The following NCK2 variants were observed in gnomAD, a reference collection of about 807,000 sequenced individuals.
NCK2 encodes the protein cytoplasmic protein NCK2.
NCK2 carries 16 observed loss-of-function variants against 33.9 expected under a neutral mutation model. That is an observed-to-expected ratio of 0.47 (90% CI 0.32 to 0.72). The LOEUF is 0.72. Among genes scored for constraint, NCK2 ranks in the 30% least tolerant of loss-of-function variants. NCK2 has a pLI of 0.03. For synonymous variants in NCK2, 273 were observed against 239.9 expected (o/e 1.14, Z -1.27); for missense variants, 418 against 537.3 (o/e 0.78, Z 2.19).
chr2:105,884,516 T>C (rs1224519488), intron 4 of NCK2, among the ~76,000 whole-genome samples: 1 of 152,250 alleles, frequency 6.6e-6, no homozygotes, highest in Non-Finnish European at 1.5e-5. Context: ...GCCTGGCTTC[T>C]GGATAAGCAC....
chr2:105,820,578 G>A (rs541525296), intron 2 of NCK2, among the ~76,000 whole-genome samples: 1 of 152,316 alleles, frequency 6.6e-6, no homozygotes, highest in African/African-American at 2.4e-5. Flanking sequence ...CTCTGACCCT[G>A]CCTTCTTTGG....
At chr2:105,773,368 C>T (rs1015611385) in intron 1 of NCK2, among the ~76,000 whole-genome samples, 1 of 152,094 alleles carries the variant, frequency 6.6e-6, no homozygotes, top group Admixed American at 6.5e-5. Context: ...GTCTGGTACA[C>T]GTGCCGGCCT....
At chr2:105,835,408 T>TATGTATATATATGTATATATATATAC (rs1553458610) in intron 2 of NCK2, among the ~76,000 whole-genome samples, 5 of 41,268 alleles carry the variant, frequency 1.2e-4, no homozygotes, top group Non-Finnish European at 3.4e-4. Context: ...TATATATACG[T>TATGTATATATATGTATATATATATAC]GTATATATAT....
chr2:105,831,390 C>G (rs1677905124), intron 2 of NCK2, among the ~76,000 whole-genome samples: 2 of 150,232 alleles, frequency 1.3e-5, no homozygotes, highest in African/African-American at 4.9e-5. Context: ...CGCTACAAAG[C>G]TACCAAATAA....
chr2:105,834,976 C>A (rs991333209), intron 2 of NCK2, among the ~76,000 whole-genome samples: 2 of 152,104 alleles, frequency 1.3e-5, no homozygotes, highest in African/African-American at 4.8e-5. Flanking sequence ...CTATGCCTAG[C>A]CCTACATTCA....
intron 3 of NCK2, among the ~76,000 whole-genome samples, chr2:105,866,128 G>A (rs960834403): frequency 3.3e-5 from 5 of 152,124 alleles, no homozygotes; most frequent in African/African-American, 1.2e-4. Flanking sequence ...TGGCCAGGCT[G>A]GTCTCGAACT....
chr2:105,857,265 G>C (rs989929967), intron 3 of NCK2: 2 of 152,186 alleles, frequency 1.3e-5, no homozygotes, highest in Non-Finnish European at 2.9e-5. Context: ...AGCTGTGATC[G>C]GTTCAGCCAA....
chr2:105,807,727 TTCTTTCC>T (rs1366990811), intron 1 of NCK2, among the ~76,000 whole-genome samples: 5 of 122,822 alleles, frequency 4.1e-5, no homozygotes, highest in African/African-American at 1.1e-4. Context: ...CCTTCCTTCC[TTCTTTCC>T]TTCCTTCCTT....
At chr2:105,800,540 A>G (rs1428309142) in intron 1 of NCK2, among the ~76,000 whole-genome samples, 2 of 152,192 alleles carry the variant, frequency 1.3e-5, no homozygotes, top group African/African-American at 2.4e-5. Context: ...TAAGAGTGGC[A>G]TATGTGTGTG....
intron 1 of NCK2, among the ~76,000 whole-genome samples, chr2:105,793,411 C>T (rs536256969): frequency 4.6e-5 from 7 of 151,336 alleles, no homozygotes; most frequent in Non-Finnish European, 8.8e-5. Context: ...TCTTGGATCC[C>T]ACTGGTTTCA....
intron 1 of NCK2, among the ~76,000 whole-genome samples, chr2:105,760,011 G>GGACTCCACTGTCAAGT (rs577308278): frequency 6.6e-6 from 1 of 152,004 alleles, no homozygotes; most frequent in Non-Finnish European, 1.5e-5. Flanking sequence ...GTTTGTCAGG[G>GGACTCCACTGTCAAGT]GACTCCACTG....
At chr2:105,778,409 G>A (rs1690380643) in intron 1 of NCK2, among the ~76,000 whole-genome samples, 1 of 152,206 alleles carries the variant, frequency 6.6e-6, no homozygotes, top group African/African-American at 2.4e-5. Context: ...CACATCTGCT[G>A]ACCATCCTCT....
intron 3 of NCK2, among the ~76,000 whole-genome samples, chr2:105,859,988 C>G (rs1677448620): frequency 6.6e-6 from 1 of 152,050 alleles, no homozygotes; most frequent in Admixed American, 6.5e-5. Context: ...AATGTCAGTT[C>G]AAAACAACAA....
chr2:105,837,257 G>A (rs1316033150), intron 2 of NCK2, among the ~76,000 whole-genome samples: 6 of 152,150 alleles, frequency 3.9e-5, no homozygotes, highest in Non-Finnish European at 5.9e-5. Context: ...TCTTAATGAC[G>A]TCAAGCTCCT....
At chr2:105,766,490 T>G (rs1273917435) in intron 1 of NCK2, among the ~76,000 whole-genome samples, 3 of 152,052 alleles carry the variant, frequency 2.0e-5, no homozygotes, top group Admixed American at 2.0e-4. Flanking sequence ...CCAGTGAAGT[T>G]TTTAATTTTT....
chr2:105,812,919 G>A (rs1425419349), intron 1 of NCK2, among the ~76,000 whole-genome samples: 1 of 151,508 alleles, frequency 6.6e-6, no homozygotes, highest in Non-Finnish European at 1.5e-5. Context: ...GATGTAGCCT[G>A]ACATGGTTCC....
At chr2:105,860,770 G>A (rs999298618) in intron 3 of NCK2, among the ~76,000 whole-genome samples, 1 of 151,500 alleles carries the variant, frequency 6.6e-6, no homozygotes, top group African/African-American at 2.4e-5. Context: ...TAATGGAGAT[G>A]GAGGAGTGTA....
At chr2:105,854,751 C>G in intron 2 of NCK2, 1 of 274,160 alleles carries the variant, frequency 3.6e-6, no homozygotes, top group Non-Finnish European at 7.2e-6. Context: ...GAAATGGACT[C>G]ATTTAATTAT....
intron 1 of NCK2, among the ~76,000 whole-genome samples, chr2:105,812,662 TAAAAGG>T (rs1179969107): frequency 1.3e-5 from 2 of 152,146 alleles, no homozygotes; most frequent in African/African-American, 4.8e-5. Context: ...TCTTTTTAAA[TAAAAGG>T]AAAAGGACAA....
Sources: allele counts gnomAD v4.1 joint callset (sites outside exome capture counted in the v4.1 genomes callset), GRCh38; gene constraint gnomAD v4.1.1; transcripts MANE v1.5; gene names NCBI Gene and HGNC (gene_info 2026-07-23, HGNC 2026-07-21).